The following XKR4 variants were observed in gnomAD, a reference collection of about 807,000 sequenced individuals.
The protein encoded by XKR4 is XK related 4, also known as XK-related protein 4.
A neutral mutation model predicts 53.9 loss-of-function variants in XKR4; 12 were observed. The observed-to-expected ratio is 0.22, with a 90% CI of 0.14 to 0.36. The LOEUF is 0.36. Ranked by LOEUF, XKR4 falls within the 10% of genes least tolerant of loss-of-function variation. The probability of loss-of-function intolerance (pLI) is 1.00; values close to 1 mark genes in which losing one functional copy is unlikely to be tolerated. For missense variants in XKR4, 799 were observed against 859.5 expected (o/e 0.93, Z 0.88); for synonymous variants, 354 against 362.4 (o/e 0.98, Z 0.26).
chr8:55,331,256 A>C (rs1803381221), intron 1 of XKR4, among the ~76,000 whole-genome samples: 1 of 152,088 alleles, frequency 6.6e-6, no homozygotes, highest in Non-Finnish European at 1.5e-5. Context: ...ATATTTGTGA[A>C]TTTTCCAGTT....
Position 55,339,675 on chromosome 8 carries a change from C to T in XKR4, c.807-18003C>T, listed in dbSNP as rs181400915. 2.6e-5 allele frequency among the ~76,000 whole-genome samples: 4 copies of T among 152,244 alleles called. No homozygotes were observed. In the East Asian group the frequency reaches 5.8e-4, roughly 22 times the overall value. On this transcript the variant is annotated intron_variant, in intron 1 of 2. Coordinates refer to ENST00000327381, the MANE Select transcript of XKR4 (RefSeq NM_052898.2). ...AAACAGGAGGACGTAGGCAGTCCTTCGTTATCTGTGCAGCATGCTAAAAAT... is the reference window on the plus strand; with the variant it reads ...AAACAGGAGGACGTAGGCAGTCCTTTGTTATCTGTGCAGCATGCTAAAAAT...
intron 1 of XKR4, among the ~76,000 whole-genome samples, chr8:55,174,585 T>C (rs1308590804): frequency 1.3e-5 from 2 of 152,178 alleles, no homozygotes; most frequent in East Asian, 3.8e-4. Flanking sequence ...TGATGTTAGG[T>C]TAATTCCTAC....
chr8:55,536,173 C>T lies in XKR4; in HGVS notation c.*11946C>T, dbSNP rs1807029325. 1.3e-5 allele frequency: 2 copies of T among 152,184 alleles called. No homozygotes were observed. Among genetic ancestry groups the T allele is most frequent in the South Asian group, 4.1e-4 (2 of 4,824 alleles). The allele number at this position is 152,184 out of a possible 1,614,324, so 9.4% of individuals were successfully genotyped here. Reference sequence around the variant, plus strand: ...ATCTCAATTCTGCCAGTCACCTAGTCTGTGTATCTGTTCCCAAACTGGAAA... The same window carrying T: ...ATCTCAATTCTGCCAGTCACCTAGTTTGTGTATCTGTTCCCAAACTGGAAA... On this transcript the variant is annotated 3_prime_UTR_variant, in exon 3 of 3. Transcript: ENST00000327381.
In XKR4 at chr8:55,148,409, A is replaced by T. The variant is rs573538845; in HGVS notation, c.806+45115A>T. 2.9e-4 allele frequency among the ~76,000 whole-genome samples: 44 copies of T among 150,144 alleles called. No homozygotes were observed. In the East Asian group the frequency reaches 4.1e-3, roughly 14 times the overall value. On this transcript the variant is annotated intron_variant, in intron 1 of 2. Coordinates refer to ENST00000327381, the MANE Select transcript of XKR4 (RefSeq NM_052898.2). Reference sequence around the variant, plus strand: ...AACAGAGGAAGACCCTGTCTAAAAAAAAATATATATATATATACCATAGCT... The same window carrying T: ...AACAGAGGAAGACCCTGTCTAAAAATAAATATATATATATATACCATAGCT...
chr8:55,289,585 A>AAG (rs778587029), intron 1 of XKR4, among the ~76,000 whole-genome samples: 1 of 88,254 alleles, frequency 1.1e-5, no homozygotes, highest in Non-Finnish European at 2.3e-5. Flanking sequence ...GAAAGGAAGA[A>AAG]AGAAAGAGAA....
intron 2 of XKR4, among the ~76,000 whole-genome samples, chr8:55,407,202 G>A (rs2129390668): frequency 6.6e-6 from 1 of 151,888 alleles, no homozygotes; most frequent in East Asian, 1.9e-4. Context: ...CCCGACACAG[G>A]CCATGGCCAG....
intron 2 of XKR4, among the ~76,000 whole-genome samples, chr8:55,438,651 C>G (rs71519411): frequency 6.6e-6 from 1 of 151,108 alleles, no homozygotes; most frequent in East Asian, 1.9e-4. Flanking sequence ...ATGAGACTGC[C>G]TAAGTCAATT....
intron 1 of XKR4, among the ~76,000 whole-genome samples, chr8:55,234,930 T>G (rs1248213709): frequency 6.6e-6 from 1 of 152,168 alleles, no homozygotes; most frequent in Admixed American, 6.5e-5. Flanking sequence ...TACCTGTGTG[T>G]TCAATGGGCA....
chr8:55,257,041 C>A (rs1818447846), intron 1 of XKR4, among the ~76,000 whole-genome samples: 1 of 152,126 alleles, frequency 6.6e-6, no homozygotes, highest in Non-Finnish European at 1.5e-5. Flanking sequence ...GAGGGTGGAG[C>A]CCTCCTGACT....
At chr8:55,198,235 A>G (rs150150461) in intron 1 of XKR4, among the ~76,000 whole-genome samples, 1 of 152,298 alleles carries the variant, frequency 6.6e-6, no homozygotes, top group Non-Finnish European at 1.5e-5. Flanking sequence ...CGCTACCCTG[A>G]TGGGGATTTT....
chr8:55,214,523 C>T (rs13249396), intron 1 of XKR4, among the ~76,000 whole-genome samples: 24,879 of 152,212 alleles, frequency 0.16, 2,405 homozygotes, highest in Non-Finnish European at 0.22. Flanking sequence ...CCAGCTATCA[C>T]TGATCACATT....
At chr8:55,456,655 A>G (rs1194519423) in intron 2 of XKR4, among the ~76,000 whole-genome samples, 3 of 152,244 alleles carry the variant, frequency 2.0e-5, no homozygotes, top group Non-Finnish European at 4.4e-5. Flanking sequence ...TTTGCTTGTT[A>G]TATCAACAGC....
intron 1 of XKR4, among the ~76,000 whole-genome samples, chr8:55,107,038 T>C (rs534695654): frequency 6.6e-6 from 1 of 152,290 alleles, no homozygotes; most frequent in South Asian, 2.1e-4. Flanking sequence ...GTCACATCTA[T>C]TAAACATTCT....
At chr8:55,163,965 C>T (rs77884482) in intron 1 of XKR4, among the ~76,000 whole-genome samples, 28,478 of 152,176 alleles carry the variant, frequency 0.19, 3,058 homozygotes, top group Middle Eastern at 0.33. Context: ...TAGAAGTGCT[C>T]AGTTCATTAA....
rs1807090366 is a variant in XKR4, at chr8:55,540,748, AT to A, written c.*16523del. 6.6e-6 allele frequency: 1 copy of A among 152,182 alleles called. No homozygotes were observed. The highest frequency in any genetic ancestry group is 2.1e-4 in the South Asian group (1 of 4,834). 9.4% of individuals were successfully genotyped at this position (152,182 alleles called of 1,614,324 possible). A position where few individuals can be genotyped will look rare whatever the true frequency, so the allele number is the denominator to read the frequency against. ...AAGAGCAAAATCATCCTTCCTATGG[AT>A]TCTTTTCTCAGTGTTTACTTAATTC... On this transcript the variant is annotated 3_prime_UTR_variant, in exon 3 of 3. Transcript: ENST00000327381.
chr8:55,511,288 G>T (rs1411322231), intron 2 of XKR4, among the ~76,000 whole-genome samples: 1 of 152,140 alleles, frequency 6.6e-6, no homozygotes, highest in Non-Finnish European at 1.5e-5. Flanking sequence ...TGTGTAAAAG[G>T]TGAGGTATTT....
chr8:55,238,660 C>T (rs1257118225), intron 1 of XKR4, among the ~76,000 whole-genome samples: 1 of 152,110 alleles, frequency 6.6e-6, no homozygotes, highest in Non-Finnish European at 1.5e-5. Flanking sequence ...GATGTAGGGA[C>T]AGGAGCCAGC....
At chr8:55,470,133 AG>A (rs1479016278) in intron 2 of XKR4, among the ~76,000 whole-genome samples, 2 of 152,154 alleles carry the variant, frequency 1.3e-5, no homozygotes, top group African/African-American at 4.8e-5. Flanking sequence ...TAAAAAGATA[AG>A]TAATGTTCAC....
At chr8:55,267,513 C>G (rs1302488288) in intron 1 of XKR4, among the ~76,000 whole-genome samples, 1 of 152,156 alleles carries the variant, frequency 6.6e-6, no homozygotes, top group African/African-American at 2.4e-5. Context: ...CTGAAACAGA[C>G]AATTCCCAAA....
Sources: gnomAD v4.1 joint callset for allele counts (sites outside exome capture counted in the v4.1 genomes callset) on GRCh38, gnomAD v4.1.1 for gene constraint, MANE v1.5 for transcripts, NCBI Gene and HGNC (gene_info 2026-07-23, HGNC 2026-07-21) for gene names.